The following CORO2B variants were observed in gnomAD, a reference collection of about 807,000 sequenced individuals.
The protein encoded by CORO2B is coronin 2B, also known as coronin-2B.
Under a neutral mutation model 58.8 loss-of-function variants are expected in CORO2B, and 26 were observed. That is an observed-to-expected ratio of 0.44 (90% confidence interval 0.32 to 0.61). The LOEUF (loss-of-function observed/expected upper bound fraction) is 0.61, where lower values mean the gene tolerates loss of function less well. CORO2B is among the 20% of genes least tolerant of loss of function. The pLI, the probability that CORO2B is intolerant of heterozygous loss-of-function variation, is 0.04. For synonymous variants in CORO2B, 242 were observed against 253.8 expected (o/e 0.95, Z 0.44); for missense variants, 460 against 645.1 (o/e 0.71, Z 3.11).
the CORO2B span, among the ~76,000 whole-genome samples, chr15:68,531,736 C>T: frequency 6.6e-6 from 1 of 151,490 alleles, no homozygotes; most frequent in South Asian, 2.1e-4. Context: ...AACATATTTA[C>T]TACTTTTAAT....
chr15:68,722,933 G>A (rs957480693), intron 11 of CORO2B, among the ~76,000 whole-genome samples: 5 of 151,786 alleles, frequency 3.3e-5, no homozygotes, highest in African/African-American at 1.2e-4. Context: ...CAGGTGTGGT[G>A]GCGCACGCCT....
chr15:68,574,616 TG>T (rs113905053), upstream of CORO2B, among the ~76,000 whole-genome samples: 4,241 of 151,890 alleles, frequency 0.028, 188 homozygotes, highest in African/African-American at 0.094. Context: ...TTATTAAGGT[TG>T]AAGATAAAGG....
intron 1 of CORO2B, among the ~76,000 whole-genome samples, chr15:68,608,008 G>C (rs1207784717): frequency 6.6e-6 from 1 of 152,230 alleles, no homozygotes; most frequent in Non-Finnish European, 1.5e-5. Flanking sequence ...ATGGGAGTGA[G>C]GGGGTCTACA....
intron 3 of CORO2B, among the ~76,000 whole-genome samples, chr15:68,700,308 C>T (rs1567013530): frequency 6.6e-6 from 1 of 152,164 alleles, no homozygotes; most frequent in East Asian, 1.9e-4. Flanking sequence ...CTCTTCACAG[C>T]AGGTCTGGAC....
intron 2 of CORO2B, among the ~76,000 whole-genome samples, chr15:68,662,211 A>G (rs940412947): frequency 6.6e-6 from 1 of 152,156 alleles, no homozygotes; most frequent in African/African-American, 2.4e-5. Context: ...ATGTTAAATT[A>G]TCTGACTTTA....
the CORO2B span, among the ~76,000 whole-genome samples, chr15:68,519,667 A>G: frequency 1.2e-4 from 19 of 152,298 alleles, no homozygotes; most frequent in Non-Finnish European, 2.6e-4. Context: ...TTTCATTAAT[A>G]TCTGCTCTTA....
rs1289453286 is a variant in CORO2B, at chr15:68,709,299, T to C, written c.334-1433T>C. Among the ~76,000 whole-genome samples the C allele has an allele frequency of 3.3e-5, 5 of 152,202 alleles. No homozygotes were observed. In the East Asian group the frequency reaches 9.6e-4, roughly 29 times the overall value. ...TATAATACTACCAACATCCATTCAA[T>C]CTATAACTTCTAGTATTACCTTGCC... On this transcript the variant is annotated intron_variant, in intron 3 of 11. Coordinates refer to ENST00000261861, the MANE Select transcript of CORO2B (RefSeq NM_006091.5).
chr15:68,683,003 A>G (rs1240291571), intron 2 of CORO2B, among the ~76,000 whole-genome samples: 1 of 152,174 alleles, frequency 6.6e-6, no homozygotes, highest in Non-Finnish European at 1.5e-5. Flanking sequence ...AGGGGTTTTT[A>G]TAATTTTGGC....
chr15:68,716,286 T>TA (rs1893030502), intron 8 of CORO2B, among the ~76,000 whole-genome samples: 2 of 152,314 alleles, frequency 1.3e-5, no homozygotes, highest in South Asian at 4.1e-4. Context: ...GCTGTGCACT[T>TA]AATCCCTCTA....
chr15:68,725,166 C>T (rs1222092038), intron 11 of CORO2B, among the ~76,000 whole-genome samples: 2 of 151,988 alleles, frequency 1.3e-5, no homozygotes, highest in South Asian at 2.1e-4. Flanking sequence ...GTCAGGAGTT[C>T]GAGACCAGCC....
At chr15:68,595,827 G>A (rs570173482) in intron 1 of CORO2B, among the ~76,000 whole-genome samples, 1 of 152,224 alleles carries the variant, frequency 6.6e-6, no homozygotes, top group African/African-American at 2.4e-5. Flanking sequence ...GAAGCCATTG[G>A]CTCAGCATTG....
At position 68,666,507 on chromosome 15, in the gene CORO2B, G is replaced by A. The variant is rs981636520; in HGVS notation, c.216+21147G>A. 3.3e-5 allele frequency among the ~76,000 whole-genome samples: 5 copies of A among 152,312 alleles called. No homozygotes were observed. The South Asian group carries it at 6.2e-4, about 19-fold the overall frequency. ...ACACCATTCTTTCCTGACAGCTGGC[G>A]GGAATTTCCTTTCTCTTTCTTTCTG... is the stretch of plus-strand genomic sequence containing the variant. On this transcript the variant is annotated intron_variant, in intron 2 of 11. Coordinates refer to ENST00000261861, the MANE Select transcript of CORO2B (RefSeq NM_006091.5).
At chr15:68,536,905 C>A in the CORO2B span, among the ~76,000 whole-genome samples, 1 of 152,198 alleles carries the variant, frequency 6.6e-6, no homozygotes, top group Non-Finnish European at 1.5e-5. Flanking sequence ...CTGCTTCCTG[C>A]AGCCACCTGG....
At chr15:68,725,773 A>T in intron 11 of CORO2B, 70 bp from the exon 12 acceptor site, 3 of 1,589,958 alleles carry the variant, frequency 1.9e-6, no homozygotes, top group Admixed American at 3.5e-5. Context: ...CTGGAGACTC[A>T]CCTGGGAAAT....
At chr15:68,616,032 C>T (rs183743937) in intron 1 of CORO2B, among the ~76,000 whole-genome samples, 11 of 152,164 alleles carry the variant, frequency 7.2e-5, no homozygotes, top group African/African-American at 2.4e-4. Context: ...TGCAGCGGCT[C>T]GCTCCCTCCT....
chr15:68,648,404 T>G (rs1203673808), intron 2 of CORO2B, among the ~76,000 whole-genome samples: 1 of 151,182 alleles, frequency 6.6e-6, no homozygotes, highest in South Asian at 2.1e-4. Context: ...CCCAGCACTT[T>G]GGGAGGCAGA....
intron 1 of CORO2B, among the ~76,000 whole-genome samples, chr15:68,606,899 A>G (rs1361239619): frequency 1.3e-5 from 2 of 152,148 alleles, no homozygotes; most frequent in African/African-American, 4.8e-5. Context: ...GTAGGTGCTC[A>G]ATATATCCTC....
At chr15:68,649,013 A>G (rs1279222982) in intron 2 of CORO2B, among the ~76,000 whole-genome samples, 2 of 152,216 alleles carry the variant, frequency 1.3e-5, no homozygotes, top group Non-Finnish European at 2.9e-5. Context: ...ATTATATTCA[A>G]TAAAAATAAA....
At chr15:68,579,632 G>T (rs946813755) in intron 1 of CORO2B, among the ~76,000 whole-genome samples, 1 of 152,230 alleles carries the variant, frequency 6.6e-6, no homozygotes, top group Non-Finnish European at 1.5e-5. Flanking sequence ...GGCGGGAAGC[G>T]TCGCTGGCAG....
Sources: gnomAD v4.1 joint callset for allele counts (sites outside exome capture counted in the v4.1 genomes callset) on GRCh38, gnomAD v4.1.1 for gene constraint, MANE v1.5 for transcripts, NCBI Gene and HGNC (gene_info 2026-07-23, HGNC 2026-07-21) for gene names.